The following CYP51A1 variants were observed in gnomAD, a reference collection of about 807,000 sequenced individuals.
CYP51A1 encodes the protein lanosterol 14-alpha demethylase.
A neutral mutation model predicts 53.5 loss-of-function variants in CYP51A1; 45 were observed. That is an observed-to-expected ratio of 0.84 (90% CI 0.66 to 1.08). The LOEUF (loss-of-function observed/expected upper bound fraction) is 1.08, where lower values mean the gene tolerates loss of function less well. Ranked by LOEUF, CYP51A1 falls within the 50% of genes least tolerant of loss-of-function variation. The probability of loss-of-function intolerance (pLI) is 0.00; values close to 1 mark genes in which losing one functional copy is unlikely to be tolerated. For synonymous variants in CYP51A1, 181 were observed against 217.7 expected (o/e 0.83, Z 1.48); for missense variants, 462 against 621.7 (o/e 0.74, Z 2.73).
Position 92,131,890 on chromosome 7 carries a change from A to G in CYP51A1, c.193-18T>C. 7.1e-7 allele frequency: 1 copy of G among 1,399,612 alleles called. No homozygotes were observed. The highest frequency in any genetic ancestry group is 1.0e-6 in the Non-Finnish European group (1 of 986,864). The allele number at this position is 1,399,612 out of a possible 1,614,324, so 86.7% of individuals were successfully genotyped here. ...GGACTTTTCTACAAGAGAAAAAAAT[A>G]GTAAATTCAATTCGTGTTTCATTTC... On this transcript the variant is annotated intron_variant, in intron 1 of 9. Transcript: ENST00000003100.
chr7:92,122,324 A>G (rs1819709514), intron 7 of CYP51A1, among the ~76,000 whole-genome samples: 1 of 151,732 alleles, frequency 6.6e-6, no homozygotes, highest in Non-Finnish European at 1.5e-5. Flanking sequence ...ATTAGAAGAA[A>G]AAAAGAATAC....
chr7:92,128,116 T>C (rs962974210), intron 3 of CYP51A1, among the ~76,000 whole-genome samples: 6 of 152,238 alleles, frequency 3.9e-5, no homozygotes, highest in Non-Finnish European at 8.8e-5. Context: ...AGAGGACTTC[T>C]GAAGTCAGCA....
At chr7:92,117,806 G>A (rs10278080) in intron 8 of CYP51A1, among the ~76,000 whole-genome samples, 60,300 of 151,686 alleles carry the variant, frequency 0.4, 12,284 homozygotes, top group African/African-American at 0.46. Flanking sequence ...TGACCAACAT[G>A]GATAAACCCC....
chr7:92,126,665 A>G (rs1819808029), intron 4 of CYP51A1, among the ~76,000 whole-genome samples: 1 of 152,210 alleles, frequency 6.6e-6, no homozygotes, highest in Admixed American at 6.5e-5. Flanking sequence ...AACCCCACTC[A>G]TGAGCACTTC....
At position 92,130,281 on chromosome 7, in the gene CYP51A1, C is replaced by T. The variant is rs1458237975; in HGVS notation, c.292-1225G>A. Among the ~76,000 whole-genome samples the T allele has an allele frequency of 2.6e-5, 4 of 152,112 alleles. No individual in the cohort carries two copies. In the South Asian group the frequency reaches 8.3e-4, roughly 31 times the overall value. ...TCTCTCTGTGTTTCGTTTCTCTCACCTATAAAATGGTAATAATAATAATAG... is the reference window on the plus strand; with the variant it reads ...TCTCTCTGTGTTTCGTTTCTCTCACTTATAAAATGGTAATAATAATAATAG... On this transcript the variant is annotated intron_variant, in intron 2 of 9. Coordinates refer to ENST00000003100, the MANE Select transcript of CYP51A1 (RefSeq NM_000786.4).
chr7:92,132,796 C>A (rs1044756134), intron 1 of CYP51A1, among the ~76,000 whole-genome samples: 1 of 152,186 alleles, frequency 6.6e-6, no homozygotes, highest in South Asian at 2.1e-4. Context: ...AGCAAGAACT[C>A]TAGCATTCTT....
chr7:92,123,043 C>G, intron 7 of CYP51A1, 77 bp downstream of exon 7: 1 of 1,151,230 alleles, frequency 8.7e-7, no homozygotes. Flanking sequence ...TAGAAAATCT[C>G]AAATTGTCCC....
At chr7:92,132,460 G>A (rs919461565) in intron 1 of CYP51A1, among the ~76,000 whole-genome samples, 4 of 151,864 alleles carry the variant, frequency 2.6e-5, no homozygotes, top group Non-Finnish European at 4.4e-5. Flanking sequence ...ATTTTTTATT[G>A]TTGTGTTATT....
chr7:92,123,773 A>G lies in CYP51A1; in HGVS notation c.851T>C (p.Ile284Thr). The change falls in exon 6 of 10, where the codon ATT becomes ACT. Residue 284 changes from isoleucine (I) to threonine (T), a missense_variant. Physicochemically the swap from Ile to Thr is moderately conservative, Grantham distance 89 (BLOSUM62 -1). Transcript: ENST00000003100. The part of the protein sequence containing the change: ...IQKRRQSQEK[I>T]DDILQTLLDA... ...TAGTAAAGTTTGGAGAATGTCATCA[A>G]TTTTTTCTTGAGACTGTCTGCGTTT... 2 of 1,609,212 alleles carry G rather than the reference A, an allele frequency of 1.2e-6. No individual in the cohort carries two copies. The highest frequency in any genetic ancestry group is 1.7e-6 in the Non-Finnish European group (2 of 1,178,288).
At position 92,117,210 on chromosome 7, in the gene CYP51A1, A is replaced by C; in HGVS notation, c.1185T>G (p.Thr395=). 6.2e-7 allele frequency: 1 copy of C among 1,610,832 alleles called. No individual in the cohort carries two copies. The highest frequency in any genetic ancestry group is 1.1e-5 in the South Asian group (1 of 90,112). The change falls in exon 9 of 10, where the codon ACT becomes ACG. Residue 395 remains threonine, a splice_region_variant and synonymous_variant. Coordinates refer to ENST00000003100, the MANE Select transcript of CYP51A1 (RefSeq NM_000786.4). ...IMMRMARTPQ[T]VAGYTIPPGH... ...CTGGAGGAATGGTATACCCTGCCAC[A>C]GTCTATAAACAAAAGCCACACATTT...
chr7:92,129,824 C>G (rs1288956060), intron 2 of CYP51A1, among the ~76,000 whole-genome samples: 1 of 151,806 alleles, frequency 6.6e-6, no homozygotes, highest in South Asian at 2.1e-4. Context: ...AAAGGGAGAC[C>G]TAATAGAGGA....
In CYP51A1 at chr7:92,120,591, T is replaced by C. The variant is rs189995649; in HGVS notation, c.1087-1976A>G. Among the ~76,000 whole-genome samples the C allele has an allele frequency of 4.2e-4, 64 of 152,300 alleles. No individual in the cohort carries two copies. In the East Asian group the frequency reaches 0.011, roughly 26 times the overall value. On this transcript the variant is annotated intron_variant, in intron 7 of 9. Coordinates refer to ENST00000003100, the MANE Select transcript of CYP51A1 (RefSeq NM_000786.4). ...CACGTGCCACTGCGCCTGGCTATAA[T>C]AGATTTTTTTACAAAGACAATTCAA...
Position 92,134,468 on chromosome 7 carries a change from G to A in CYP51A1, c.-104C>T. 1 of 1,280,624 alleles carries A rather than the reference G, an allele frequency of 7.8e-7. No homozygotes were observed. The highest frequency in any genetic ancestry group is 1.1e-6 in the Non-Finnish European group (1 of 948,964). 79.3% of individuals were successfully genotyped at this position (1,280,624 alleles called of 1,614,324 possible). Reference sequence around the variant, plus strand: ...TCGTCCACAGGGGGCCTTGCCCCAGGTCTCCTACTAAACCCAGCCCCACCC... The same window carrying A: ...TCGTCCACAGGGGGCCTTGCCCCAGATCTCCTACTAAACCCAGCCCCACCC... On this transcript the variant is annotated 5_prime_UTR_variant, in exon 1 of 10. Coordinates refer to ENST00000003100, the MANE Select transcript of CYP51A1 (RefSeq NM_000786.4).
At chr7:92,133,625 C>T (rs1300442944) in intron 1 of CYP51A1, among the ~76,000 whole-genome samples, 1 of 152,106 alleles carries the variant, frequency 6.6e-6, no homozygotes, top group East Asian at 1.9e-4. Context: ...CAGTCACTAC[C>T]ATTACCACAC....
At chr7:92,128,101 T>C (rs185162263) in intron 3 of CYP51A1, among the ~76,000 whole-genome samples, 50 of 152,330 alleles carry the variant, frequency 3.3e-4, no homozygotes, top group African/African-American at 1.2e-3. Context: ...AGTTGTTGCA[T>C]TAAAAGAGGA....
chr7:92,119,241 T>C (rs1343661519), intron 7 of CYP51A1, among the ~76,000 whole-genome samples: 1 of 152,196 alleles, frequency 6.6e-6, no homozygotes, highest in African/African-American at 2.4e-5. Flanking sequence ...GGGAGTAAGA[T>C]GTCCACAGGA....
At chr7:92,134,140 G>C in intron 1 of CYP51A1, 33 bp downstream of exon 1, 1 of 1,602,296 alleles carries the variant, frequency 6.2e-7, no homozygotes, top group East Asian at 2.3e-5. Flanking sequence ...GCTGCGGCGC[G>C]CGCCCCACTC....
intron 9 of CYP51A1, among the ~76,000 whole-genome samples, chr7:92,114,137 G>C (rs1449341555): frequency 1.3e-5 from 2 of 152,102 alleles, no homozygotes; most frequent in African/African-American, 4.8e-5. Flanking sequence ...TGGTAATCTA[G>C]TTTGGGAATA....
rs1227488093 is a variant in CYP51A1 at position 92,113,720 on chromosome 7, G to A, written c.1475C>T (p.Thr492Ile). The A allele has an allele frequency of 2.5e-6, 4 of 1,612,204 alleles. No individual in the cohort carries two copies. The African/African-American group carries it at 5.3e-5, about 22-fold the overall frequency. Residue 492 changes from threonine (T) to isoleucine (I), a missense_variant, in exon 10 of 10, where the codon ACT becomes ATT. Coordinates refer to ENST00000003100, the MANE Select transcript of CYP51A1 (RefSeq NM_000786.4). The stretch of plus-strand genomic sequence containing the variant: ...TGGGTTTTCAGGGGTGTGAATCATA[G>A]TTGTATAATTCACAGTGGGAAAGTA... ...DGYFPTVNYT[T>I]MIHTPENPVI... is the part of the protein sequence containing the mutation.
Sources: allele counts gnomAD v4.1 joint callset (sites outside exome capture counted in the v4.1 genomes callset), GRCh38; gene constraint gnomAD v4.1.1; transcripts MANE v1.5; gene names NCBI Gene and HGNC (gene_info 2026-07-23, HGNC 2026-07-21).